Variants in PLXNA4 observed in about 807,000 individuals in gnomAD.
PLXNA4 encodes plexin-A4.
Under a neutral mutation model 191.8 loss-of-function variants are expected in PLXNA4, and 44 were observed. That is an observed-to-expected ratio of 0.23 (90% CI 0.18 to 0.29). The LOEUF is 0.29. Among genes scored for constraint, PLXNA4 ranks in the 10% least tolerant of loss-of-function variants. The pLI, the probability that PLXNA4 is intolerant of heterozygous loss-of-function variation, is 1.00. For missense variants in PLXNA4, 1,800 were observed against 2,488.8 expected (o/e 0.72, Z 5.89); for synonymous variants, 1,082 against 1,009.5 (o/e 1.07, Z -1.36).
chr7:132,583,538 GAGA>G (rs1356577409), intron 2 of PLXNA4, among the ~76,000 whole-genome samples: 3 of 152,188 alleles, frequency 2.0e-5, no homozygotes, highest in Non-Finnish European at 4.4e-5. Flanking sequence ...ATTAGGACGA[GAGA>G]AGAAGGGAAG....
At chr7:132,158,450 T>G (rs186382063) in intron 25 of PLXNA4, among the ~76,000 whole-genome samples, 3 of 152,272 alleles carry the variant, frequency 2.0e-5, no homozygotes, top group Non-Finnish European at 4.4e-5. Flanking sequence ...ACATCAATGC[T>G]TCTCCCTCCA....
intron 24 of PLXNA4, 48 bp downstream of exon 24, chr7:132,164,094 G>A (rs1796026324): frequency 6.2e-7 from 1 of 1,609,912 alleles, no homozygotes; most frequent in African/African-American, 1.3e-5. Context: ...TACCCAGGAT[G>A]GAAGCCCGCC....
chr7:132,278,737 T>G (rs1800369892), intron 4 of PLXNA4, among the ~76,000 whole-genome samples: 1 of 152,152 alleles, frequency 6.6e-6, no homozygotes, highest in Admixed American at 6.5e-5. Flanking sequence ...TAGTAATTAG[T>G]TTTTTCCCCT....
intron 1 of PLXNA4, among the ~76,000 whole-genome samples, chr7:132,558,989 A>G (rs1248046578): frequency 6.6e-6 from 1 of 152,082 alleles, no homozygotes; most frequent in East Asian, 1.9e-4. Flanking sequence ...TGGTGAGGGG[A>G]TGTAACAAGG....
intron 3 of PLXNA4, among the ~76,000 whole-genome samples, chr7:132,362,127 T>G (rs2116856225): frequency 6.6e-6 from 1 of 152,286 alleles, no homozygotes; most frequent in South Asian, 2.1e-4. Context: ...CTGGGCCCAC[T>G]TAAGTCATAA....
chr7:132,171,685 C>T (rs1796291159), intron 21 of PLXNA4, among the ~76,000 whole-genome samples: 1 of 152,108 alleles, frequency 6.6e-6, no homozygotes, highest in African/African-American at 2.4e-5. Context: ...AGGTCTGGGG[C>T]CCTGGGAAGG....
chr7:132,223,494 A>G (rs755374074), intron 9 of PLXNA4, 33 bp downstream of exon 9: 2 of 1,551,100 alleles, frequency 1.3e-6, no homozygotes, highest in East Asian at 2.3e-5. Context: ...TCACAACAAG[A>G]GACACTCACC....
chr7:132,513,028 C>T (rs1006670901), intron 1 of PLXNA4, among the ~76,000 whole-genome samples: 5 of 152,172 alleles, frequency 3.3e-5, no homozygotes, highest in East Asian at 1.9e-4. Context: ...TGAAAGACCC[C>T]GTAACCCAAC....
At chr7:132,461,331 G>C (rs1796494578) in intron 3 of PLXNA4, among the ~76,000 whole-genome samples, 1 of 152,158 alleles carries the variant, frequency 6.6e-6, no homozygotes, top group South Asian at 2.1e-4. Flanking sequence ...TAAGAAGCAG[G>C]AAGTATAATG....
rs116347649 is a variant in PLXNA4, at chr7:132,433,363, C to T, written c.1371+55929G>A. 8.2e-3 allele frequency among the ~76,000 whole-genome samples: 1,253 copies of T among 152,310 alleles called. 17 individuals are homozygous for T. The highest frequency in any genetic ancestry group is 0.028 in the African/African-American group (1,179 of 41,564). ...CAGGAAGCCTTCTACCCTACATACCCAGCAAAGGCTTCAGTGCCACCCTTG... is the reference window on the plus strand; with the variant it reads ...CAGGAAGCCTTCTACCCTACATACCTAGCAAAGGCTTCAGTGCCACCCTTG... On this transcript the variant is annotated intron_variant, in intron 3 of 31. Transcript: ENST00000321063.
intron 20 of PLXNA4, among the ~76,000 whole-genome samples, chr7:132,176,630 A>G (rs186769252): frequency 1.5e-5 from 2 of 131,968 alleles, no homozygotes; most frequent in Non-Finnish European, 3.2e-5. Flanking sequence ...GTGTGTGTGT[A>G]TGTCAGTGAG....
At chr7:132,555,336 T>C (rs1183982879) in intron 1 of PLXNA4, among the ~76,000 whole-genome samples, 4 of 152,232 alleles carry the variant, frequency 2.6e-5, no homozygotes. Flanking sequence ...CCTGCTCTTC[T>C]TCCCTTCCCA....
intron 21 of PLXNA4, among the ~76,000 whole-genome samples, chr7:132,170,761 TCCAACTAGCCCG>T (rs2116677626): frequency 6.6e-6 from 1 of 152,282 alleles, no homozygotes; most frequent in East Asian, 1.9e-4. Context: ...CATTGAAACC[TCCAACTAGCCCG>T]TCATCAGTAG....
intron 1 of PLXNA4, among the ~76,000 whole-genome samples, chr7:132,517,698 T>C (rs1798995959): frequency 6.6e-6 from 1 of 152,086 alleles, no homozygotes; most frequent in Non-Finnish European, 1.5e-5. Context: ...TGCAAGTGGG[T>C]AAGCCCAGAG....
chr7:132,205,883 T>C (rs1455840602), intron 10 of PLXNA4, among the ~76,000 whole-genome samples: 3 of 152,168 alleles, frequency 2.0e-5, no homozygotes, highest in Non-Finnish European at 2.9e-5. Flanking sequence ...TAAATCCTCA[T>C]GCCCCCTCTC....
At chr7:132,645,030 C>T (rs976860868) in intron 2 of PLXNA4, among the ~76,000 whole-genome samples, 4 of 152,210 alleles carry the variant, frequency 2.6e-5, no homozygotes, top group African/African-American at 9.6e-5. Context: ...GGTCAGGAAG[C>T]ACTGGGATGC....
intron 3 of PLXNA4, among the ~76,000 whole-genome samples, chr7:132,369,246 T>A (rs891684224): frequency 1.3e-5 from 2 of 152,210 alleles, no homozygotes; most frequent in Non-Finnish European, 2.9e-5. Flanking sequence ...CCTCCTTTGA[T>A]TCTCAGGCCC....
At chr7:132,461,838 AG>A (rs1165467672) in intron 3 of PLXNA4, among the ~76,000 whole-genome samples, 1 of 152,244 alleles carries the variant, frequency 6.6e-6, no homozygotes, top group Non-Finnish European at 1.5e-5. Context: ...TAACAGTCTC[AG>A]GTATCCAAGG....
chr7:132,129,637 G>C lies in PLXNA4; in HGVS notation c.*842C>G, dbSNP rs932668331. The C allele has an allele frequency of 6.6e-6, 1 of 152,584 alleles. No homozygotes were observed. The highest frequency in any genetic ancestry group is 1.5e-5 in the Non-Finnish European group (1 of 68,034). The allele number at this position is 152,584 out of a possible 1,614,324, so 9.5% of individuals were successfully genotyped here. On this transcript the variant is annotated 3_prime_UTR_variant, in exon 32 of 32. Coordinates refer to ENST00000321063, the MANE Select transcript of PLXNA4 (RefSeq NM_020911.2). The stretch of plus-strand genomic sequence containing the variant: ...AATGGAAAACAAATTCTGCTTCCAG[G>C]GTAGATGCAACTCTCTTTCCTTTTC...
Sources: allele counts gnomAD v4.1 joint callset (sites outside exome capture counted in the v4.1 genomes callset), GRCh38; gene constraint gnomAD v4.1.1; transcripts MANE v1.5; gene names NCBI Gene and HGNC (gene_info 2026-07-23, HGNC 2026-07-21).